The following CSMD1 variants were observed in gnomAD, a reference collection of about 807,000 sequenced individuals.
CSMD1 encodes the protein CUB and Sushi multiple domains 1.
A neutral mutation model predicts 417.5 loss-of-function variants in CSMD1; 213 were observed. The observed-to-expected ratio is 0.51, with a 90% CI of 0.46 to 0.57. CSMD1 has a LOEUF of 0.57. Among genes scored for constraint, CSMD1 ranks in the 20% least tolerant of loss-of-function variants. CSMD1 has a pLI of 0.00. For missense variants in CSMD1, 6,923 were observed against 4,529.7 expected, an observed-to-expected ratio of 1.53 and a Z score of -15.17; for synonymous variants, 2,862 against 1,736.8, an observed-to-expected ratio of 1.65 and a Z score of -16.11.
intron 1 of CSMD1, among the ~76,000 whole-genome samples, chr8:4,884,077 T>C (rs1803575037): frequency 6.6e-6 from 1 of 152,078 alleles, no homozygotes; most frequent in Non-Finnish European, 1.5e-5. Flanking sequence ...ATTTCCCTGA[T>C]GGCAAATGAT....
Position 3,367,622 on chromosome 8 carries a change from C to T in CSMD1, c.2900-375G>A, listed in dbSNP as rs567958412. The stretch of plus-strand genomic sequence containing the variant: ...AGGAAAATTGGTGGAAAGAGGACGG[C>T]TTTAGAAATGAAAAAAAGCAGAAGG... On this transcript the variant is annotated intron_variant, in intron 19 of 69. Coordinates refer to ENST00000635120, the MANE Select transcript of CSMD1 (RefSeq NM_033225.6). 5.3e-5 allele frequency among the ~76,000 whole-genome samples: 8 copies of T among 151,914 alleles called. No homozygotes were observed. In the South Asian group the frequency reaches 1.7e-3, roughly 32 times the overall value.
chr8:4,628,612 T>TAA lies in CSMD1; in HGVS notation c.302+8728_302+8729dup, dbSNP rs75006089. ...AACACACACAGGAAAAAGAAAATGT[T>TAA]AAAAAAAATGCTCTCCTCACACATG... is the stretch of plus-strand genomic sequence containing the variant. On this transcript the variant is annotated intron_variant, in intron 2 of 69. Coordinates refer to ENST00000635120, the MANE Select transcript of CSMD1 (RefSeq NM_033225.6). Among the ~76,000 whole-genome samples the TAA allele has an allele frequency of 9.7e-3, 1,461 of 150,852 alleles. 18 individuals carry two copies. Among genetic ancestry groups the TAA allele is most frequent in the Middle Eastern group, 0.045 (13 of 290 alleles).
At chr8:3,531,667 T>C (rs1406835816) in intron 10 of CSMD1, among the ~76,000 whole-genome samples, 1 of 152,144 alleles carries the variant, frequency 6.6e-6, no homozygotes, top group Non-Finnish European at 1.5e-5. Flanking sequence ...AAAAACTATT[T>C]ATGCAGATAA....
intron 3 of CSMD1, among the ~76,000 whole-genome samples, chr8:4,109,089 T>C (rs774626642): frequency 5.3e-5 from 8 of 152,200 alleles, no homozygotes; most frequent in Non-Finnish European, 1.2e-4. Context: ...CCGCATCCAT[T>C]CTCCCTATAT....
chr8:4,725,085 C>G (rs1776961048), intron 1 of CSMD1, among the ~76,000 whole-genome samples: 1 of 151,992 alleles, frequency 6.6e-6, no homozygotes, highest in Admixed American at 6.6e-5. Flanking sequence ...CATTTGCGAT[C>G]CGAACTTTTC....
chr8:3,115,274 T>C (rs1413748402), intron 42 of CSMD1, among the ~76,000 whole-genome samples: 1 of 140,780 alleles, frequency 7.1e-6, no homozygotes, highest in Non-Finnish European at 1.5e-5. Context: ...CTATCTTGGC[T>C]CACTGCAACC....
chr8:4,807,472 T>C (rs189315260), intron 1 of CSMD1, among the ~76,000 whole-genome samples: 3 of 152,240 alleles, frequency 2.0e-5, no homozygotes, highest in African/African-American at 4.8e-5. Context: ...CCTTGTCTTA[T>C]AGCCAAGCTG....
intron 2 of CSMD1, among the ~76,000 whole-genome samples, chr8:4,594,497 C>CT (rs2130742682): frequency 6.6e-6 from 1 of 152,072 alleles, no homozygotes; most frequent in African/African-American, 2.4e-5. Context: ...ACCACACCCA[C>CT]CCTGAAATGA....
At chr8:4,821,054 A>G (rs1015119894) in intron 1 of CSMD1, among the ~76,000 whole-genome samples, 2 of 152,102 alleles carry the variant, frequency 1.3e-5, no homozygotes, top group Admixed American at 6.6e-5. Context: ...AAGAAGAACA[A>G]TGTGGAGGGG....
intron 2 of CSMD1, among the ~76,000 whole-genome samples, chr8:4,571,142 T>C (rs986588361): frequency 3.9e-5 from 6 of 152,206 alleles, no homozygotes; most frequent in African/African-American, 1.2e-4. Flanking sequence ...CTCTATCTCC[T>C]TCAGTTCTGC....
At chr8:3,748,612 T>C (rs972712805) in intron 6 of CSMD1, among the ~76,000 whole-genome samples, 5 of 152,242 alleles carry the variant, frequency 3.3e-5, no homozygotes, top group South Asian at 2.1e-4. Context: ...AATCCAGGTA[T>C]ACTCCTAGAT....
At chr8:4,926,407 T>A (rs759839966) in intron 1 of CSMD1, among the ~76,000 whole-genome samples, 2 of 152,224 alleles carry the variant, frequency 1.3e-5, no homozygotes, top group Non-Finnish European at 2.9e-5. Flanking sequence ...GATCTACGCA[T>A]GTGGCCGTGT....
chr8:4,077,529 A>T (rs1004747910), intron 3 of CSMD1, among the ~76,000 whole-genome samples: 1 of 151,910 alleles, frequency 6.6e-6, no homozygotes. Context: ...CATCACACTG[A>T]AGTCACTCTG....
intron 1 of CSMD1, among the ~76,000 whole-genome samples, chr8:4,843,624 G>A (rs979184561): frequency 2.6e-5 from 4 of 152,152 alleles, no homozygotes. Flanking sequence ...TGTTTTCTAT[G>A]GACCTAGGGA....
chr8:4,689,625 A>G (rs995815673), intron 1 of CSMD1, among the ~76,000 whole-genome samples: 2 of 152,184 alleles, frequency 1.3e-5, no homozygotes, highest in African/African-American at 4.8e-5. Flanking sequence ...AGAGGACAGA[A>G]AAGGTGTAAG....
At chr8:4,533,335 T>A (rs1482851668) in intron 2 of CSMD1, among the ~76,000 whole-genome samples, 1 of 152,160 alleles carries the variant, frequency 6.6e-6, no homozygotes, top group East Asian at 1.9e-4. Flanking sequence ...TATCAGTAGT[T>A]TAGAGTTAAT....
chr8:4,667,390 T>A (rs1805007616), intron 1 of CSMD1, among the ~76,000 whole-genome samples: 1 of 152,036 alleles, frequency 6.6e-6, no homozygotes, highest in Admixed American at 6.6e-5. Flanking sequence ...TTCTTCAAAA[T>A]GCCTGCTGAT....
intron 3 of CSMD1, among the ~76,000 whole-genome samples, chr8:4,105,540 C>T (rs889296749): frequency 3.3e-5 from 5 of 152,062 alleles, no homozygotes; most frequent in Admixed American, 2.6e-4. Context: ...TGGATGCAGA[C>T]AATTAAAAAA....
At chr8:3,157,834 T>C in intron 39 of CSMD1, 63 bp downstream of exon 39, 1 of 1,318,462 alleles carries the variant, frequency 7.6e-7, no homozygotes, top group South Asian at 1.3e-5. Flanking sequence ...ACCCCAAGAG[T>C]AGAGCAGGCA....
Sources: gnomAD v4.1 joint callset for allele counts (sites outside exome capture counted in the v4.1 genomes callset) on GRCh38, gnomAD v4.1.1 for gene constraint, MANE v1.5 for transcripts, NCBI Gene and HGNC (gene_info 2026-07-23, HGNC 2026-07-21) for gene names.